Variants in TNIK observed in about 807,000 individuals in gnomAD.
The protein encoded by TNIK is TRAF2 and NCK-interacting protein kinase.
In TNIK, 49 loss-of-function variants were observed where a neutral mutation model predicts 191.3. The ratio of observed to expected loss-of-function variants is 0.26; its 90% CI spans 0.20 to 0.32. The LOEUF (loss-of-function observed/expected upper bound fraction) is 0.32, where lower values mean the gene tolerates loss of function less well. TNIK is among the 10% of genes least tolerant of loss of function. The pLI, the probability that TNIK is intolerant of heterozygous loss-of-function variation, is 1.00. For synonymous variants in TNIK, 594 were observed against 600.9 expected (o/e 0.99, Z 0.17); for missense variants, 1,155 against 1,702.3 (o/e 0.68, Z 5.66).
At chr3:171,447,320 A>C (rs1426730596) in intron 1 of TNIK, among the ~76,000 whole-genome samples, 1 of 151,920 alleles carries the variant, frequency 6.6e-6, no homozygotes, top group Non-Finnish European at 1.5e-5. Context: ...AAAAAAAAAA[A>C]CACGTTATAA....
chr3:171,457,671 G>C (rs1728934780), intron 1 of TNIK, among the ~76,000 whole-genome samples: 2 of 152,180 alleles, frequency 1.3e-5, no homozygotes, highest in Non-Finnish European at 2.9e-5. Context: ...TCACCCACAA[G>C]ACTGGTCAAA....
intron 1 of TNIK, among the ~76,000 whole-genome samples, chr3:171,444,307 C>T (rs1457360072): frequency 6.6e-6 from 1 of 152,174 alleles, no homozygotes. Flanking sequence ...AAATCTTCAA[C>T]CTGCTGTCTA....
intron 1 of TNIK, among the ~76,000 whole-genome samples, chr3:171,386,646 T>C (rs1438354557): frequency 1.3e-5 from 2 of 152,218 alleles, no homozygotes; most frequent in Non-Finnish European, 2.9e-5. Flanking sequence ...AATTTGCAAT[T>C]ACTGAAATTA....
intron 3 of TNIK, among the ~76,000 whole-genome samples, chr3:171,218,848 A>G (rs1008456932): frequency 1.1e-3 from 123 of 110,740 alleles, no homozygotes; most frequent in African/African-American, 5.0e-3. Flanking sequence ...TTTGATATAT[A>G]TTACATATAT....
intron 2 of TNIK, among the ~76,000 whole-genome samples, chr3:171,299,187 C>T (rs752888349): frequency 2.0e-5 from 3 of 152,142 alleles, no homozygotes; most frequent in African/African-American, 4.8e-5. Context: ...TTGCAAACCC[C>T]CTTCCCCTTA....
At chr3:171,260,105 C>T (rs982172303) in intron 2 of TNIK, among the ~76,000 whole-genome samples, 2 of 152,098 alleles carry the variant, frequency 1.3e-5, no homozygotes, top group African/African-American at 2.4e-5. Context: ...CCTCATCCTC[C>T]ACCATGCCCC....
intron 2 of TNIK, among the ~76,000 whole-genome samples, chr3:171,361,940 A>G (rs1358916090): frequency 1.3e-5 from 2 of 152,154 alleles, no homozygotes; most frequent in African/African-American, 4.8e-5. Flanking sequence ...GGCAAGCTCA[A>G]AGCTAAGGCA....
At position 171,126,015 on chromosome 3, in the gene TNIK, C is replaced by T. The variant is rs778000380; in HGVS notation, c.1910G>A (p.Arg637His). ...NVTSHRVEMP[R>H]QNSDPTSENP... ...TTCCGAGGTGGGATCTGAGTTCTGG[C>T]GTGGCATCTCCACGCGGTGGGAGGT... The change falls in exon 17 of 33, where the codon CGC becomes CAC. Residue 637 changes from arginine (R) to histidine (H), a missense_variant. Physicochemically the swap from Arg to His is conservative, Grantham distance 29. Coordinates refer to ENST00000436636, the MANE Select transcript of TNIK (RefSeq NM_015028.4). 3.3e-5 allele frequency: 53 copies of T among 1,613,900 alleles called. No homozygotes were observed. The Admixed American group carries it at 6.3e-4, about 19-fold the overall frequency.
intron 2 of TNIK, among the ~76,000 whole-genome samples, chr3:171,255,156 G>A (rs887463910): frequency 1.3e-5 from 2 of 152,116 alleles, no homozygotes; most frequent in Non-Finnish European, 2.9e-5. Flanking sequence ...TTTATCTGAT[G>A]CTGATTCAAT....
At chr3:171,100,899 C>T (rs562106937) in intron 22 of TNIK, among the ~76,000 whole-genome samples, 47 of 152,050 alleles carry the variant, frequency 3.1e-4, no homozygotes, top group South Asian at 1.7e-3. Context: ...GAAAAAGAAG[C>T]CATGAAGGGA....
At chr3:171,357,765 G>A (rs1467380014) in intron 2 of TNIK, among the ~76,000 whole-genome samples, 1 of 152,124 alleles carries the variant, frequency 6.6e-6, no homozygotes, top group East Asian at 1.9e-4. Context: ...ATATAGTATG[G>A]TTGCTAGCCA....
Position 171,125,930 on chromosome 3 carries a change from T to C in TNIK, c.1995A>G (p.Glu665=), listed in dbSNP as rs1193304922. The C allele has an allele frequency of 6.2e-7, 1 of 1,613,894 alleles. No individual in the cohort carries two copies. Among genetic ancestry groups the C allele is most frequent in the Admixed American group, 1.7e-5 (1 of 60,006 alleles). The change falls in exon 17 of 33, where the codon GAA becomes GAG. Residue 665 remains glutamate (E), a synonymous_variant. Transcript: ENST00000436636. ...ATATTACCTTTGGTGGAATGTCTTC[T>C]TCCTGTCGTAACCAAGAGCTTCGGT... ...KFDRSSWLRQ[E]EDIPPKVPQR...
intron 5 of TNIK, among the ~76,000 whole-genome samples, chr3:171,193,013 T>C (rs1181905998): frequency 6.6e-6 from 1 of 152,198 alleles, no homozygotes; most frequent in Non-Finnish European, 1.5e-5. Context: ...TTGAATATGG[T>C]ATGTAGCAGG....
At chr3:171,322,679 G>T (rs528859891) in intron 2 of TNIK, among the ~76,000 whole-genome samples, 34 of 152,134 alleles carry the variant, frequency 2.2e-4, no homozygotes, top group African/African-American at 7.7e-4. Flanking sequence ...AACACAAAAT[G>T]GTGTAAAAAT....
chr3:171,157,793 A>C (rs1369324299), intron 11 of TNIK, 129 bp from the exon 12 acceptor site: 3 of 905,050 alleles, frequency 3.3e-6, no homozygotes, highest in Admixed American at 5.5e-5. Context: ...AGGCTCCTAG[A>C]TCCTCCGCTA....
rs1189564609 is a variant in TNIK at position 171,460,034 on chromosome 3, C to T, written c.30G>A (p.Leu10=). Reference sequence around the variant, plus strand: ...TCAGAGCCGAGAGATCTATTTCATCCAGGCTTCGAGCCGGGGAGTCGCTCG... The same window carrying T: ...TCAGAGCCGAGAGATCTATTTCATCTAGGCTTCGAGCCGGGGAGTCGCTCG... MASDSPARS[L]DEIDLSALRD... is the part of the protein sequence containing the mutation. Residue 10 remains leucine (L), a synonymous_variant, in exon 1 of 33, where the codon CTG becomes CTA. Coordinates refer to ENST00000436636, the MANE Select transcript of TNIK (RefSeq NM_015028.4). This position sits in a 1 kb window ranked among gnomAD's most constrained non-coding sequence, Gnocchi z 6.8. The T allele has an allele frequency of 1.2e-6, 2 of 1,609,296 alleles. No homozygotes were observed. Among genetic ancestry groups the T allele is most frequent in the East Asian group, 2.2e-5 (1 of 44,798 alleles).
At chr3:171,161,988 C>A (rs1241166662) in intron 10 of TNIK, among the ~76,000 whole-genome samples, 2 of 152,142 alleles carry the variant, frequency 1.3e-5, no homozygotes, top group African/African-American at 4.8e-5. Flanking sequence ...CCATATCAAA[C>A]CCATTGGCCC....
chr3:171,339,819 C>T (rs1757333525), intron 2 of TNIK, among the ~76,000 whole-genome samples: 1 of 152,218 alleles, frequency 6.6e-6, no homozygotes, highest in Non-Finnish European at 1.5e-5. Context: ...ACGAGGCCTT[C>T]TGGCAGCACC....
At chr3:171,074,947 G>T (rs894656322) in intron 28 of TNIK, among the ~76,000 whole-genome samples, 7 of 152,204 alleles carry the variant, frequency 4.6e-5, no homozygotes, top group African/African-American at 1.7e-4. Context: ...TAGATGTGTG[G>T]ATATAGATCA....
Sources: allele counts gnomAD v4.1 joint callset (sites outside exome capture counted in the v4.1 genomes callset), GRCh38; gene constraint gnomAD v4.1.1; non-coding constraint Gnocchi (gnomAD v3.1); transcripts MANE v1.5; gene names NCBI Gene and HGNC (gene_info 2026-07-23, HGNC 2026-07-21).